The following DHX57 variants were observed in gnomAD, a reference collection of about 807,000 sequenced individuals.
The protein encoded by DHX57 is DExH-box helicase 57, also known as putative ATP-dependent RNA helicase DHX57.
DHX57 carries 105 observed loss-of-function variants against 156.2 expected under a neutral mutation model. That is an observed-to-expected ratio of 0.67 (90% confidence interval 0.57 to 0.79). The LOEUF (loss-of-function observed/expected upper bound fraction) is 0.79, where lower values mean the gene tolerates loss of function less well. DHX57 is among the 30% of genes least tolerant of loss of function. The pLI is 0.00. For missense variants in DHX57, 1,847 were observed against 1,661.9 expected (o/e 1.11, Z -1.94); for synonymous variants, 704 against 595.6 (o/e 1.18, Z -2.65).
intron 21 of DHX57, chr2:38,811,525 A>C (rs1168816747): frequency 9.9e-7 from 1 of 1,010,510 alleles, no homozygotes; most frequent in Non-Finnish European, 1.5e-6. Flanking sequence ...GCTTCCTTGA[A>C]GTCTTCCTTC....
chr2:38,839,582 A>G (rs1671869725), intron 12 of DHX57, among the ~76,000 whole-genome samples: 1 of 151,356 alleles, frequency 6.6e-6, no homozygotes, highest in Admixed American at 6.6e-5. Flanking sequence ...TTAGCCAGGC[A>G]TGGTGGTGGG....
intron 11 of DHX57, among the ~76,000 whole-genome samples, chr2:38,846,616 CA>C (rs11377588): frequency 2.2e-3 from 252 of 113,734 alleles, no homozygotes; most frequent in East Asian, 6.8e-3. Context: ...GACTCTATCT[CA>C]AAAAAAAAAA....
chr2:38,855,035 GA>G, intron 8 of DHX57, 21 bp downstream of exon 8: 1 of 1,613,928 alleles, frequency 6.2e-7, no homozygotes, highest in Non-Finnish European at 8.5e-7. Flanking sequence ...CTGTTACCAG[GA>G]AATAAGCAGA....
intron 14 of DHX57, 76 bp downstream of exon 14, chr2:38,828,263 AG>A: frequency 9.2e-7 from 1 of 1,085,274 alleles, no homozygotes; most frequent in Non-Finnish European, 1.3e-6. Context: ...GTGCTCTTCC[AG>A]GGTCTAAAGA....
chr2:38,873,419 T>C (rs1665445264), intron 1 of DHX57, among the ~76,000 whole-genome samples: 1 of 152,226 alleles, frequency 6.6e-6, no homozygotes, highest in Admixed American at 6.5e-5. Context: ...AACTAGGTCT[T>C]CCTAGGTATT....
At chr2:38,831,358 G>A (rs995950380) in intron 13 of DHX57, among the ~76,000 whole-genome samples, 1 of 126,670 alleles carries the variant, frequency 7.9e-6, no homozygotes, top group African/African-American at 3.0e-5. Context: ...TCTCGCTCTT[G>A]TCCCCCAGGC....
intron 17 of DHX57, among the ~76,000 whole-genome samples, chr2:38,819,648 C>G (rs370184415): frequency 6.6e-5 from 10 of 152,160 alleles, no homozygotes. Context: ...GTCTGCCTGC[C>G]CACCCAAAAT....
At chr2:38,861,870 A>G (rs1387499385) in intron 4 of DHX57, 33 bp from the exon 5 acceptor site, 18 of 1,544,332 alleles carry the variant, frequency 1.2e-5, no homozygotes, top group African/African-American at 2.8e-5. Flanking sequence ...AAAATGACAC[A>G]TAAAAAGCAG....
intron 17 of DHX57, among the ~76,000 whole-genome samples, chr2:38,822,471 G>A (rs980546766): frequency 1.3e-5 from 2 of 151,748 alleles, no homozygotes; most frequent in Admixed American, 1.3e-4. Flanking sequence ...TCTCGGCTCA[G>A]CAACCTCCGC....
chr2:38,872,358 A>C (rs188497415), intron 1 of DHX57, among the ~76,000 whole-genome samples: 2 of 152,364 alleles, frequency 1.3e-5, no homozygotes, highest in African/African-American at 4.8e-5. Flanking sequence ...AAAGTAGAAT[A>C]GAGTTAGATG....
intron 19 of DHX57, 122 bp downstream of exon 19, chr2:38,818,755 C>T (rs772731332): frequency 8.6e-6 from 10 of 1,159,270 alleles, no homozygotes; most frequent in African/African-American, 1.5e-5. Flanking sequence ...GCTGGTAAGG[C>T]CAAACATATT....
intron 1 of DHX57, among the ~76,000 whole-genome samples, chr2:38,872,312 G>C (rs537990574): frequency 2.0e-5 from 3 of 152,240 alleles, no homozygotes; most frequent in South Asian, 2.1e-4. Flanking sequence ...AGTAAGAACA[G>C]AAGAAAAAAT....
At chr2:38,803,268 G>C (rs1669783149) in intron 22 of DHX57, among the ~76,000 whole-genome samples, 1 of 151,482 alleles carries the variant, frequency 6.6e-6, no homozygotes, top group Non-Finnish European at 1.5e-5. Flanking sequence ...GTGAGCCACT[G>C]TGCCTGGCCC....
chr2:38,870,202 G>A (rs867244837), intron 1 of DHX57, among the ~76,000 whole-genome samples: 11 of 152,104 alleles, frequency 7.2e-5, no homozygotes, highest in African/African-American at 2.4e-4. Flanking sequence ...AGTGAACAGA[G>A]CCTTGGAAAA....
chr2:38,843,156 C>T lies in DHX57; in HGVS notation c.2274G>A (p.Lys758=). ...PYMRSMKQIS[K]EKLKARRNRT... Reference sequence around the variant, plus strand: ...TGTTCCGCCTTGCTTTAAGCTTTTCCTTTGAAATCTGTTTCATGGACCGCA... The same window carrying T: ...TGTTCCGCCTTGCTTTAAGCTTTTCTTTTGAAATCTGTTTCATGGACCGCA... The change falls in exon 12 of 24, where the codon AAG becomes AAA. Residue 758 remains lysine, a synonymous_variant. Transcript: ENST00000457308. The T allele has an allele frequency of 1.9e-6, 3 of 1,614,182 alleles. No individual in the cohort carries two copies. Among genetic ancestry groups the T allele is most frequent in the Non-Finnish European group, 2.5e-6 (3 of 1,180,042 alleles).
At chr2:38,806,739 C>T (rs970080451) in intron 21 of DHX57, 46 bp from the exon 22 acceptor site, 4 of 1,553,990 alleles carry the variant, frequency 2.6e-6, no homozygotes, top group East Asian at 2.4e-5. Flanking sequence ...TATATATATT[C>T]TCATAGAAAG....
At chr2:38,835,660 C>T (rs1325593200) in intron 13 of DHX57, among the ~76,000 whole-genome samples, 4 of 152,136 alleles carry the variant, frequency 2.6e-5, no homozygotes, top group Non-Finnish European at 5.9e-5. Context: ...AAAGGACTGT[C>T]AATGCTACGA....
In DHX57 at chr2:38,855,039, T is replaced by C. The variant is rs1558396542; in HGVS notation, c.1905+18A>G. On this transcript the variant is annotated intron_variant, in intron 8 of 23. Transcript: ENST00000457308. ...ACCATAAATTTCTGTTACCAGGAAA[T>C]AAGCAGAGCATACAAACCTTGACAC... 1 of 1,613,954 alleles carries C rather than the reference T, an allele frequency of 6.2e-7. No homozygotes were observed. Among genetic ancestry groups the C allele is most frequent in the Non-Finnish European group, 8.5e-7 (1 of 1,179,994 alleles).
chr2:38,802,691 A>G (rs1347845235), intron 23 of DHX57, 24 bp downstream of exon 23: 2 of 1,613,312 alleles, frequency 1.2e-6, no homozygotes, highest in African/African-American at 1.3e-5. Flanking sequence ...TGAGCCTCAT[A>G]AAACAGACCA....
Sources: gnomAD v4.1 joint callset for allele counts (sites outside exome capture counted in the v4.1 genomes callset) on GRCh38, gnomAD v4.1.1 for gene constraint, MANE v1.5 for transcripts, NCBI Gene and HGNC (gene_info 2026-07-23, HGNC 2026-07-21) for gene names.